Variants in FERMT1 observed in about 807,000 individuals in gnomAD.
FERMT1 encodes the protein fermitin family homolog 1.
In FERMT1, 60 loss-of-function variants were observed where a neutral mutation model predicts 85.3. The ratio of observed to expected loss-of-function variants is 0.70; its 90% CI spans 0.57 to 0.87. The LOEUF is 0.87. Among genes scored for constraint, FERMT1 ranks in the 40% least tolerant of loss-of-function variants. The pLI is 0.00. For synonymous variants in FERMT1, 275 were observed against 301.1 expected (o/e 0.91, Z 0.90); for missense variants, 701 against 818.9 (o/e 0.86, Z 1.76).
intron 3 of FERMT1, among the ~76,000 whole-genome samples, chr20:6,114,667 G>T (rs893699915): frequency 5.9e-5 from 9 of 152,126 alleles, no homozygotes; most frequent in African/African-American, 2.2e-4. Context: ...CCATTCATTT[G>T]TTCACTCAAC....
At chr20:6,098,775 C>T (rs1982576312) in intron 6 of FERMT1, among the ~76,000 whole-genome samples, 1 of 152,138 alleles carries the variant, frequency 6.6e-6, no homozygotes, top group Non-Finnish European at 1.5e-5. Context: ...TACTACTTCA[C>T]ACCTACTAGA....
In FERMT1 at chr20:6,107,592, T is replaced by C; in HGVS notation, c.789A>G (p.Gln263=). The change falls in exon 6 of 15, where the codon CAA becomes CAG. Residue 263 remains glutamine, a synonymous_variant. Transcript: ENST00000217289. ...ATCGTAAGAGCAGCTGCTCATCCTC[T>C]TGGATGCCTTGTTCCATAAGGGAGC... is the stretch of plus-strand genomic sequence containing the variant. ...SSRSLMEQGI[Q]EDEQLLLRFK... 1 of 1,613,092 alleles carries C rather than the reference T, an allele frequency of 6.2e-7. No homozygotes were observed.
At position 6,085,298 on chromosome 20, in the gene FERMT1, C is replaced by T; in HGVS notation, c.1372-11G>A. 1.2e-6 allele frequency: 2 copies of T among 1,612,528 alleles called. No individual in the cohort carries two copies. Among genetic ancestry groups the T allele is most frequent in the South Asian group, 2.2e-5 (2 of 91,004 alleles). On this transcript the variant is annotated splice_polypyrimidine_tract_variant and intron_variant, in intron 11 of 14. Coordinates refer to ENST00000217289, the MANE Select transcript of FERMT1 (RefSeq NM_017671.5). ...GGCGTATTGATTCTCCTGCAGCAAA[C>T]AGAAGGTTGAGAAGCAAGCTCAAGT...
At position 6,104,932 on chromosome 20, in the gene FERMT1, C is replaced by A. The variant is rs1982758006; in HGVS notation, c.849+2600G>T. 6.6e-6 allele frequency among the ~76,000 whole-genome samples: 1 copy of A among 152,140 alleles called. No individual in the cohort carries two copies. Among genetic ancestry groups the A allele is most frequent in the African/African-American group, 2.4e-5 (1 of 41,438 alleles). On this transcript the variant is annotated intron_variant, in intron 6 of 14. Transcript: ENST00000217289. This position sits in a 1 kb window ranked among gnomAD's most constrained non-coding sequence, Gnocchi z 4.2. ...TCAGCTGCATTCTTTTTAGCTCAAG[C>A]TTAGTTCTGAAGCAGCGGATTGAAT...
At chr20:6,084,792 C>T (rs978338883) in intron 12 of FERMT1, among the ~76,000 whole-genome samples, 12 of 151,618 alleles carry the variant, frequency 7.9e-5, no homozygotes, top group Admixed American at 2.0e-4. Flanking sequence ...CTCCTGGGCT[C>T]GAGCAATTCT....
intron 9 of FERMT1, 144 bp from the exon 10 acceptor site, chr20:6,089,233 CA>C: frequency 2.5e-6 from 2 of 809,142 alleles, no homozygotes; most frequent in African/African-American, 1.7e-5. Flanking sequence ...TGCTAATTTC[CA>C]AGCGCTGGAA....
rs916733643 is a variant in FERMT1 at position 6,104,631 on chromosome 20, C to T, written c.849+2901G>A. ...TTCTGTGTGGCTGTTAGATTCAAAT[C>T]GGTTTCACTTTTTAGGCTATGAAGA... On this transcript the variant is annotated intron_variant, in intron 6 of 14. Transcript: ENST00000217289. The surrounding 1 kb of genome is among the most constrained non-coding windows in gnomAD (Gnocchi z 4.2). Among the ~76,000 whole-genome samples the T allele has an allele frequency of 2.6e-5, 4 of 152,126 alleles. No individual in the cohort carries two copies. The highest frequency in any genetic ancestry group is 1.3e-4 in the Admixed American group (2 of 15,270).
At position 6,104,949 on chromosome 20, in the gene FERMT1, G is replaced by A. The variant is rs568850329; in HGVS notation, c.849+2583C>T. Among the ~76,000 whole-genome samples, 164 of 152,252 alleles carry A rather than the reference G, an allele frequency of 1.1e-3. 1 individual carries two copies. The highest frequency in any genetic ancestry group is 3.6e-3 in the African/African-American group (151 of 41,558). The stretch of plus-strand genomic sequence containing the variant: ...AGCTCAAGCTTAGTTCTGAAGCAGC[G>A]GATTGAATCGGGGGAGTCTCTTGGC... On this transcript the variant is annotated intron_variant, in intron 6 of 14. Coordinates refer to ENST00000217289, the MANE Select transcript of FERMT1 (RefSeq NM_017671.5). The surrounding 1 kb of genome is among the most constrained non-coding windows in gnomAD (Gnocchi z 4.2).
At chr20:6,082,508 G>A (rs1010016691) in intron 13 of FERMT1, among the ~76,000 whole-genome samples, 4 of 152,218 alleles carry the variant, frequency 2.6e-5, no homozygotes, top group African/African-American at 9.6e-5. Flanking sequence ...ACACATATGC[G>A]CGCACATAGT....
intron 13 of FERMT1, among the ~76,000 whole-genome samples, chr20:6,083,705 A>AAC (rs1982074666): frequency 1.9e-5 from 2 of 105,760 alleles, no homozygotes; most frequent in Admixed American, 1.1e-4. Context: ...AAAAAAAAAA[A>AAC]CAAAAAAAAA....
At position 6,107,618 on chromosome 20, in the gene FERMT1, G is replaced by C; in HGVS notation, c.763C>G (p.Arg255Gly). The change falls in exon 6 of 15, where the codon CGC (arginine) becomes GGC (glycine). Residue 255 changes from arginine (R) to glycine (G), a missense_variant. By Grantham distance (125) the Arg-to-Gly change is moderately radical (BLOSUM62 -2). Coordinates refer to ENST00000217289, the MANE Select transcript of FERMT1 (RefSeq NM_017671.5). ...TGGATGCCTTGTTCCATAAGGGAGC[G>C]TGAGGAGTCTAGCCAACTAGAAAAT... ...KLNAGWLDSS[R>G]SLMEQGIQED... 1 of 1,608,046 alleles carries C rather than the reference G, an allele frequency of 6.2e-7. No individual in the cohort carries two copies. The highest frequency in any genetic ancestry group is 1.3e-5 in the African/African-American group (1 of 74,922).
chr20:6,107,446 C>T (rs1982829457), intron 6 of FERMT1, 86 bp downstream of exon 6: 2 of 781,910 alleles, frequency 2.6e-6, no homozygotes, highest in Non-Finnish European at 4.3e-6. Flanking sequence ...TAAATTCATC[C>T]TAATTTTCAT....
chr20:6,079,377 A>C, intron 14 of FERMT1, 59 bp downstream of exon 14: 1 of 1,552,364 alleles, frequency 6.4e-7, no homozygotes, highest in South Asian at 1.1e-5. Context: ...AATAATCTGC[A>C]ATTCTGAGGG....
chr20:6,078,394 C>A (rs1981892273), intron 14 of FERMT1, among the ~76,000 whole-genome samples: 1 of 152,188 alleles, frequency 6.6e-6, no homozygotes, highest in Non-Finnish European at 1.5e-5. Context: ...CCCTCTACGT[C>A]AGTGACTTTC....
chr20:6,096,492 G>T (rs1274824545), intron 8 of FERMT1, among the ~76,000 whole-genome samples: 1 of 152,036 alleles, frequency 6.6e-6, no homozygotes, highest in African/African-American at 2.4e-5. Flanking sequence ...ACTACTGATT[G>T]TCTCAGAAAA....
At chr20:6,112,252 A>G (rs1982971734) in intron 4 of FERMT1, among the ~76,000 whole-genome samples, 1 of 152,154 alleles carries the variant, frequency 6.6e-6, no homozygotes, top group Admixed American at 6.5e-5. Context: ...ATTCATTGGC[A>G]ACATCAGATA....
chr20:6,109,390 T>G (rs1293642623), intron 5 of FERMT1, among the ~76,000 whole-genome samples: 1 of 152,128 alleles, frequency 6.6e-6, no homozygotes, highest in Non-Finnish European at 1.5e-5. Context: ...AGAATGAGTG[T>G]GCACCCAGGC....
chr20:6,103,496 C>T (rs1982716144), intron 6 of FERMT1, among the ~76,000 whole-genome samples: 1 of 152,096 alleles, frequency 6.6e-6, no homozygotes. Context: ...GCCAAATTGC[C>T]CTCTATAGAC....
At chr20:6,111,450 G>A (rs1982947207) in intron 4 of FERMT1, among the ~76,000 whole-genome samples, 1 of 152,036 alleles carries the variant, frequency 6.6e-6, no homozygotes, top group Admixed American at 6.6e-5. Context: ...TGGCCAACAT[G>A]GCAAAACCCT....
Sources: gnomAD v4.1 joint callset for allele counts (sites outside exome capture counted in the v4.1 genomes callset) on GRCh38, gnomAD v4.1.1 for gene constraint, Gnocchi (gnomAD v3.1) non-coding constraint, MANE v1.5 for transcripts, NCBI Gene and HGNC (gene_info 2026-07-23, HGNC 2026-07-21) for gene names.